KCNMA1: variants seen among roughly 807,000 people sequenced by gnomAD.
KCNMA1 encodes the protein Calcium-activated potassium channel subunit alpha-1.
KCNMA1 carries 29 observed loss-of-function variants against 140.0 expected under a neutral mutation model. The ratio of observed to expected loss-of-function variants is 0.21; its 90% confidence interval spans 0.15 to 0.28. The LOEUF is 0.28. Ranked by LOEUF, KCNMA1 falls within the 10% of genes least tolerant of loss-of-function variation. KCNMA1 has a pLI of 1.00. For missense variants in KCNMA1, 880 were observed against 1,602.2 expected (o/e 0.55, Z 7.70); for synonymous variants, 612 against 611.9 (o/e 1.00, Z 0.00).
chr10:77,637,436 G>C lies in KCNMA1; in HGVS notation c.207C>G (p.Leu69=), dbSNP rs780686705. ...SSVHEPKMDA[L]IIPVTMEVPC... ...GCACCTCCATGGTCACCGGGATGAT[G>C]AGCGCATCCATCTTGGGCTCGTGGA... Residue 69 remains leucine, a synonymous_variant, in exon 1 of 28, where the codon CTC becomes CTG. Transcript: ENST00000286628. 3.7e-6 allele frequency: 6 copies of C among 1,613,636 alleles called. No homozygotes were observed. In the South Asian group the frequency reaches 4.4e-5, roughly 12 times the overall value.
Position 77,287,143 on chromosome 10 carries a change from A to G in KCNMA1, c.541-35887T>C, listed in dbSNP as rs1206683716. On this transcript the variant is annotated intron_variant, in intron 2 of 27. Coordinates refer to ENST00000286628, the MANE Select transcript of KCNMA1 (RefSeq NM_001161352.2). ...ATTCAGCCACAAACCCAGTTCATTC[A>G]TGCATCAGGGTTTGCACTGCTCTAA... Among the ~76,000 whole-genome samples the G allele has an allele frequency of 2.0e-5, 3 of 152,228 alleles. No homozygotes were observed. The East Asian group carries it at 5.8e-4, about 29-fold the overall frequency.
At chr10:77,561,278 C>T (rs1023767014) in intron 1 of KCNMA1, among the ~76,000 whole-genome samples, 1 of 152,108 alleles carries the variant, frequency 6.6e-6, no homozygotes, top group Admixed American at 6.6e-5. Context: ...TTCAGTGATA[C>T]CAGTGAATGT....
rs575243789 is a variant in KCNMA1 at position 77,171,998 on chromosome 10, T to C, written c.808+11423A>G. 3.9e-5 allele frequency among the ~76,000 whole-genome samples: 6 copies of C among 152,278 alleles called. No homozygotes were observed. In the South Asian group the frequency reaches 1.2e-3, roughly 32 times the overall value. The stretch of plus-strand genomic sequence containing the variant: ...GCAAGATCTATGTTTTCCCCATCTT[T>C]GGGTCACTCCTAGCACCTAGGGATT... On this transcript the variant is annotated intron_variant, in intron 5 of 27. Transcript: ENST00000286628.
intron 2 of KCNMA1, among the ~76,000 whole-genome samples, chr10:77,295,244 G>A (rs997552023): frequency 6.6e-6 from 1 of 151,806 alleles, no homozygotes; most frequent in South Asian, 2.1e-4. Context: ...CTACTCCAGA[G>A]GCTGAAGCAG....
chr10:77,114,788 T>C (rs561552758), intron 6 of KCNMA1, among the ~76,000 whole-genome samples: 51 of 152,348 alleles, frequency 3.3e-4, no homozygotes, highest in African/African-American at 1.2e-3. Context: ...TATTTGACTC[T>C]TGTGTTCCTT....
At chr10:76,929,528 C>G (rs190196190) in intron 23 of KCNMA1, among the ~76,000 whole-genome samples, 2 of 152,268 alleles carry the variant, frequency 1.3e-5, no homozygotes, top group East Asian at 1.9e-4. Context: ...GCAATCATGC[C>G]TAGGAGAATG....
chr10:76,888,522 T>A, intron 27 of KCNMA1, among the ~76,000 whole-genome samples: 1 of 152,334 alleles, frequency 6.6e-6, no homozygotes, highest in East Asian at 1.9e-4. Flanking sequence ...TCTGCAGCAC[T>A]GTTGCCTAGG....
chr10:76,991,193 TCA>T (rs2082660443), intron 19 of KCNMA1, among the ~76,000 whole-genome samples: 5 of 152,192 alleles, frequency 3.3e-5, no homozygotes, highest in Admixed American at 3.3e-4. Flanking sequence ...CTGCCCTGAC[TCA>T]CACCAAAATA....
chr10:77,330,337 T>C (rs1366679096), intron 2 of KCNMA1, among the ~76,000 whole-genome samples: 1 of 152,192 alleles, frequency 6.6e-6, no homozygotes, highest in African/African-American at 2.4e-5. Flanking sequence ...GGGCCACTCC[T>C]ACTCACTTCC....
chr10:77,080,417 TA>T (rs530169655), intron 12 of KCNMA1, among the ~76,000 whole-genome samples: 54 of 152,238 alleles, frequency 3.5e-4, no homozygotes, highest in Non-Finnish European at 6.2e-4. Context: ...TGGGGGAAGC[TA>T]AAAACCTTCA....
At chr10:77,171,409 G>A (rs1255560770) in intron 5 of KCNMA1, among the ~76,000 whole-genome samples, 4 of 51,378 alleles carry the variant, frequency 7.8e-5, no homozygotes, top group East Asian at 9.6e-3. Flanking sequence ...GCGTGTGTGT[G>A]TGTGTGTGTG....
intron 2 of KCNMA1, among the ~76,000 whole-genome samples, chr10:77,283,744 G>C (rs182203733): frequency 1.2e-4 from 19 of 152,328 alleles, no homozygotes; most frequent in Non-Finnish European, 2.5e-4. Context: ...ACAAAAAACA[G>C]ATAGTAGCTG....
intron 1 of KCNMA1, among the ~76,000 whole-genome samples, chr10:77,518,662 G>A (rs774262825): frequency 6.6e-6 from 1 of 152,166 alleles, no homozygotes; most frequent in Non-Finnish European, 1.5e-5. Context: ...CCAGCTTCTG[G>A]GTAACCTCTC....
chr10:77,218,773 G>T (rs930832207), intron 3 of KCNMA1, among the ~76,000 whole-genome samples: 1 of 152,104 alleles, frequency 6.6e-6, no homozygotes, highest in African/African-American at 2.4e-5. Flanking sequence ...TGCAACCTCC[G>T]CTTCCTGGGT....
At chr10:77,622,103 C>T (rs915933373) in intron 1 of KCNMA1, among the ~76,000 whole-genome samples, 1 of 152,084 alleles carries the variant, frequency 6.6e-6, no homozygotes, top group Non-Finnish European at 1.5e-5. Context: ...TAGCCCACTG[C>T]CTGTCAGGTA....
In KCNMA1 at chr10:76,926,796, G is replaced by T. The variant is rs113948258; in HGVS notation, c.2903-11747C>A. ...TCTTCCAGAATCCTATCACATTGTC[G>T]GTATCAACAAACATATCAACATTTC... On this transcript the variant is annotated intron_variant, in intron 23 of 27. Transcript: ENST00000286628. Among the ~76,000 whole-genome samples the T allele has an allele frequency of 8.6e-3, 1,303 of 152,152 alleles. 16 individuals carry two copies. The highest frequency in any genetic ancestry group is 0.03 in the African/African-American group (1,256 of 41,508).
At chr10:77,609,703 G>T (rs1430617551) in intron 1 of KCNMA1, among the ~76,000 whole-genome samples, 1 of 151,690 alleles carries the variant, frequency 6.6e-6, no homozygotes, top group Non-Finnish European at 1.5e-5. Context: ...CAATAAACAA[G>T]TACAATTTTT....
Position 76,970,616 on chromosome 10 carries a change from C to G in KCNMA1, c.2267-549G>C, listed in dbSNP as rs1341488025. ...TTGACAGCCAATGTTTCAATCAGAT[C>G]GGGGCACATTGGTGCATGCTGGCTC... On this transcript the variant is annotated intron_variant, in intron 19 of 27. Transcript: ENST00000286628. 4 of 177,378 alleles carry G rather than the reference C, an allele frequency of 2.3e-5. No individual in the cohort carries two copies. In the South Asian group the frequency reaches 5.0e-4, roughly 22 times the overall value. The allele number at this position is 177,378 out of a possible 1,614,324, so 11.0% of individuals were successfully genotyped here. A position where few individuals can be genotyped will look rare whatever the true frequency, so the allele number is the denominator to read the frequency against.
At chr10:76,960,536 C>CT (rs2070745078) in intron 20 of KCNMA1, among the ~76,000 whole-genome samples, 1 of 132,562 alleles carries the variant, frequency 7.5e-6, no homozygotes, top group Non-Finnish European at 1.6e-5. Context: ...CAGACCCTGT[C>CT]TAAAAAAAAA....
Sources: gnomAD v4.1 joint callset for allele counts (sites outside exome capture counted in the v4.1 genomes callset) on GRCh38, gnomAD v4.1.1 for gene constraint, MANE v1.5 for transcripts, NCBI Gene and HGNC (gene_info 2026-07-23, HGNC 2026-07-21) for gene names.